The following OPCML variants were observed in gnomAD, a reference collection of about 807,000 sequenced individuals.
OPCML encodes the protein opioid binding protein/cell adhesion molecule like.
Under a neutral mutation model 37.8 loss-of-function variants are expected in OPCML, and 13 were observed. The observed-to-expected ratio is 0.34, with a 90% CI of 0.22 to 0.55. The LOEUF (loss-of-function observed/expected upper bound fraction) is 0.55. Among genes scored for constraint, OPCML ranks in the 20% least tolerant of loss-of-function variants. The pLI is 0.91. For synonymous variants in OPCML, 176 were observed against 168.8 expected (o/e 1.04, Z -0.33); for missense variants, 341 against 435.6 (o/e 0.78, Z 1.93).
At chr11:133,178,815 C>T (rs1358083163) in intron 1 of OPCML, among the ~76,000 whole-genome samples, 2 of 152,146 alleles carry the variant, frequency 1.3e-5, no homozygotes, top group Non-Finnish European at 2.9e-5. Context: ...GAGTTGATTG[C>T]TCAAATTCCA....
At chr11:132,844,927 T>C (rs1941454260) in intron 2 of OPCML, among the ~76,000 whole-genome samples, 1 of 143,094 alleles carries the variant, frequency 7.0e-6, no homozygotes, top group Non-Finnish European at 1.5e-5. Context: ...AGAAAGAACA[T>C]ATAGAAATAA....
chr11:132,748,372 CT>C (rs1306255082), intron 2 of OPCML, among the ~76,000 whole-genome samples: 1 of 152,176 alleles, frequency 6.6e-6, no homozygotes, highest in Non-Finnish European at 1.5e-5. Context: ...CTGTAAGCTC[CT>C]GTTCTAGGGG....
chr11:133,164,767 C>A (rs1405583085), intron 1 of OPCML, among the ~76,000 whole-genome samples: 1 of 152,206 alleles, frequency 6.6e-6, no homozygotes, highest in Non-Finnish European at 1.5e-5. Flanking sequence ...GAGAATTATT[C>A]TTCTGCCTTC....
intron 2 of OPCML, among the ~76,000 whole-genome samples, chr11:132,854,370 A>G (rs76672445): frequency 0.026 from 3,996 of 152,290 alleles, 167 homozygotes; most frequent in African/African-American, 0.089. Flanking sequence ...TGGAGCTTTC[A>G]TTGCTTTAGC....
intron 1 of OPCML, among the ~76,000 whole-genome samples, chr11:133,412,791 G>C (rs77832514): frequency 0.09 from 13,756 of 152,210 alleles, 1,820 homozygotes; most frequent in African/African-American, 0.29. Context: ...GGAAGGGGAA[G>C]AGAGAGTCTG....
intron 2 of OPCML, among the ~76,000 whole-genome samples, chr11:132,831,790 AG>A (rs1366268618): frequency 6.6e-6 from 1 of 151,804 alleles, no homozygotes; most frequent in Non-Finnish European, 1.5e-5. Context: ...AAGCACAGAA[AG>A]CCCTGTACAA....
intron 1 of OPCML, among the ~76,000 whole-genome samples, chr11:133,204,907 T>TATATATATAC (rs1555114261): frequency 7.5e-6 from 1 of 133,504 alleles, no homozygotes; most frequent in South Asian, 2.4e-4. Context: ...TATATATATA[T>TATATATATAC]ATACATACAC....
chr11:132,851,828 G>C (rs182822223), intron 2 of OPCML, among the ~76,000 whole-genome samples: 188 of 152,302 alleles, frequency 1.2e-3, no homozygotes, highest in Non-Finnish European at 2.3e-3. Context: ...GACACACTGA[G>C]AGTTATTTTT....
chr11:133,289,066 A>G (rs1363345818), intron 1 of OPCML, among the ~76,000 whole-genome samples: 1 of 152,200 alleles, frequency 6.6e-6, no homozygotes, highest in African/African-American at 2.4e-5. Flanking sequence ...CACAGCCATG[A>G]TTTTGATGAA....
At position 132,485,925 on chromosome 11, in the gene OPCML, C is replaced by T. The variant is rs559692540; in HGVS notation, c.505+43136G>A. Among the ~76,000 whole-genome samples, 6 of 152,260 alleles carry T rather than the reference C, an allele frequency of 3.9e-5. No homozygotes were observed. The East Asian group carries it at 1.2e-3, about 29-fold the overall frequency. ...AATACCTAGGAGTGGAATTGCAGTG[C>T]CACAGTATAGGTGTGTGGCTAGCCT... On this transcript the variant is annotated intron_variant, in intron 4 of 7. Coordinates refer to ENST00000524381, the MANE Select transcript of OPCML (RefSeq NM_001012393.5).
chr11:133,008,836 A>G (rs536272188), intron 1 of OPCML: 2 of 957,232 alleles, frequency 2.1e-6, no homozygotes, highest in African/African-American at 1.8e-5. Flanking sequence ...TTTCTGAACA[A>G]AAGTCTCCAT....
chr11:133,390,580 G>A (rs1441844932), intron 1 of OPCML, among the ~76,000 whole-genome samples: 1 of 152,168 alleles, frequency 6.6e-6, no homozygotes, highest in East Asian at 1.9e-4. Context: ...GTCCAGCCAA[G>A]AGAGGTAAGG....
chr11:132,751,501 A>G (rs1449996096), intron 2 of OPCML, among the ~76,000 whole-genome samples: 1 of 152,258 alleles, frequency 6.6e-6, no homozygotes, highest in Admixed American at 6.5e-5. Context: ...GACCAGAGGC[A>G]GAGGATCTGC....
chr11:133,324,655 G>A (rs1051990203), intron 1 of OPCML, among the ~76,000 whole-genome samples: 14 of 152,164 alleles, frequency 9.2e-5, no homozygotes, highest in African/African-American at 2.2e-4. Context: ...ACAGGGCAGC[G>A]GGGGCAGGCC....
rs1172344639 is a variant in OPCML at position 132,727,122 on chromosome 11, G to A, written c.147-69803C>T. Among the ~76,000 whole-genome samples, 3 of 152,068 alleles carry A rather than the reference G, an allele frequency of 2.0e-5. No homozygotes were observed. The East Asian group carries it at 5.8e-4, about 29-fold the overall frequency. On this transcript the variant is annotated intron_variant, in intron 2 of 7. Transcript: ENST00000524381. ...ACACTGTCATGAGCACTATATATAC[G>A]CATCAATCAACTAATTTTCTCATCC...
chr11:133,055,415 C>G (rs10894644), intron 1 of OPCML, among the ~76,000 whole-genome samples: 4 of 141,288 alleles, frequency 2.8e-5, no homozygotes, highest in African/African-American at 5.2e-5. Context: ...ACGCCTCTAC[C>G]GTATAATGCT....
At chr11:133,413,313 C>T (rs1045093423) in intron 1 of OPCML, among the ~76,000 whole-genome samples, 6 of 147,826 alleles carry the variant, frequency 4.1e-5, no homozygotes, top group Non-Finnish European at 8.9e-5. Context: ...GAATATCACA[C>T]TCTGGGGCCT....
At position 133,377,166 on chromosome 11, in the gene OPCML, G is replaced by A. The variant is rs927308944; in HGVS notation, c.61+155098C>T. Among the ~76,000 whole-genome samples the A allele has an allele frequency of 3.6e-4, 55 of 152,154 alleles. 2 individuals carry two copies. Reference sequence around the variant, plus strand: ...CTAACAGGTTGACGTGCTGCCTGAGGGCACAGGGGGTGAGATTTGGGTAGA... The same window carrying A: ...CTAACAGGTTGACGTGCTGCCTGAGAGCACAGGGGGTGAGATTTGGGTAGA... On this transcript the variant is annotated intron_variant, in intron 1 of 7. Coordinates refer to ENST00000524381, the MANE Select transcript of OPCML (RefSeq NM_001012393.5).
chr11:132,724,049 T>C (rs182929329), intron 2 of OPCML, among the ~76,000 whole-genome samples: 2 of 151,986 alleles, frequency 1.3e-5, no homozygotes, highest in Admixed American at 1.3e-4. Flanking sequence ...CAGGGGTACA[T>C]AGATGCCTGT....
Sources: gnomAD v4.1 joint callset for allele counts (sites outside exome capture counted in the v4.1 genomes callset) on GRCh38, gnomAD v4.1.1 for gene constraint, MANE v1.5 for transcripts, NCBI Gene and HGNC (gene_info 2026-07-23, HGNC 2026-07-21) for gene names.